Variants in NF2 observed in about 807,000 individuals in gnomAD.
The protein encoded by NF2 is NF2, moesin-ezrin-radixin like (MERLIN) tumor suppressor, also known as merlin.
Under a neutral mutation model 83.7 loss-of-function variants are expected in NF2, and 8 were observed. That is an observed-to-expected ratio of 0.10 (90% confidence interval 0.06 to 0.17). NF2 has a LOEUF of 0.17. NF2 is among the 10% of genes least tolerant of loss of function. The pLI is 1.00. For synonymous variants in NF2, 266 were observed against 269.6 expected (o/e 0.99, Z 0.13); for missense variants, 533 against 744.4 (o/e 0.72, Z 3.31).
intron 10 of NF2, among the ~76,000 whole-genome samples, chr22:29,669,063 A>G (rs1213129000): frequency 6.6e-6 from 1 of 152,250 alleles, no homozygotes; most frequent in Non-Finnish European, 1.5e-5. Flanking sequence ...GTGTTTTTGG[A>G]TAAACTACTA....
chr22:29,631,711 T>A (rs1381123764), intron 1 of NF2, among the ~76,000 whole-genome samples: 1 of 152,184 alleles, frequency 6.6e-6, no homozygotes, highest in African/African-American at 2.4e-5. Context: ...CAATTAACAA[T>A]AACTACCCCT....
intron 4 of NF2, among the ~76,000 whole-genome samples, 157 bp downstream of exon 4, chr22:29,642,442 C>T (rs951589254): frequency 6.6e-6 from 1 of 152,026 alleles, no homozygotes; most frequent in Non-Finnish European, 1.5e-5. Flanking sequence ...ACCACTGTCA[C>T]TGTTCCAGTG....
At chr22:29,644,365 C>T (rs1438933782) in intron 4 of NF2, among the ~76,000 whole-genome samples, 5 of 151,572 alleles carry the variant, frequency 3.3e-5, no homozygotes, top group African/African-American at 7.3e-5. Flanking sequence ...GATGTGATGG[C>T]GGCCGGGAAG....
At chr22:29,608,172 CAAAAAA>C (rs570144418) in intron 1 of NF2, among the ~76,000 whole-genome samples, 1 of 31,712 alleles carries the variant, frequency 3.2e-5, no homozygotes, top group Non-Finnish European at 5.0e-5. Flanking sequence ...GACTCTGTCT[CAAAAAA>C]AAAAAAAAAA....
chr22:29,609,767 A>G (rs1456262011), intron 1 of NF2, among the ~76,000 whole-genome samples: 1 of 152,206 alleles, frequency 6.6e-6, no homozygotes, highest in Non-Finnish European at 1.5e-5. Context: ...GAGTAAAAAT[A>G]TGGCTGCATT....
chr22:29,680,723 A>G (rs2147118808), intron 14 of NF2, among the ~76,000 whole-genome samples: 1 of 152,326 alleles, frequency 6.6e-6, no homozygotes, highest in East Asian at 1.9e-4. Context: ...AAGTCTCAGA[A>G]CAAGTGGGAA....
intron 4 of NF2, among the ~76,000 whole-genome samples, chr22:29,652,608 T>C (rs987286464): frequency 6.6e-6 from 1 of 152,220 alleles, no homozygotes; most frequent in Non-Finnish European, 1.5e-5. Flanking sequence ...CAGCCAAGCA[T>C]AGTTTTAAAA....
chr22:29,610,161 G>A (rs1394376526), intron 1 of NF2, among the ~76,000 whole-genome samples: 1 of 151,846 alleles, frequency 6.6e-6, no homozygotes, highest in Non-Finnish European at 1.5e-5. Flanking sequence ...AACATAGAGA[G>A]ACCCCAACTC....
intron 4 of NF2, among the ~76,000 whole-genome samples, chr22:29,643,566 G>A (rs1167475408): frequency 6.6e-6 from 1 of 152,190 alleles, no homozygotes; most frequent in Non-Finnish European, 1.5e-5. Flanking sequence ...ATTTAACCCT[G>A]AGTGGACATA....
rs2067530861 is a variant in NF2, at chr22:29,695,683, G to T, written c.*881G>T. 2.1e-5 allele frequency: 5 copies of T among 233,778 alleles called. No individual in the cohort carries two copies. The East Asian group carries it at 3.0e-4, about 14-fold the overall frequency. 14.5% of individuals were successfully genotyped at this position (233,778 alleles called of 1,614,324 possible). A position where few individuals can be genotyped will look rare whatever the true frequency, so the allele number is the denominator to read the frequency against. On this transcript the variant is annotated 3_prime_UTR_variant, in exon 16 of 16. Coordinates refer to ENST00000338641, the MANE Select transcript of NF2 (RefSeq NM_000268.4). The surrounding 1 kb of genome is among the most constrained non-coding windows in gnomAD (Gnocchi z 5.4). ...CACCCGTAACCCGGCTATGACCAGG[G>T]ATCTGTAAGCCCTGTGGCTCCACAG...
intron 15 of NF2, among the ~76,000 whole-genome samples, chr22:29,690,275 C>T (rs1409141996): frequency 6.6e-6 from 1 of 152,188 alleles, no homozygotes; most frequent in African/African-American, 2.4e-5. Context: ...CCTCTTCTGT[C>T]TTTTTAAGTA....
chr22:29,636,736 G>T lies in NF2; in HGVS notation c.115-15G>T, dbSNP rs748169607. On this transcript the variant is annotated splice_polypyrimidine_tract_variant and intron_variant, in intron 1 of 15. Transcript: ENST00000338641. The surrounding 1 kb of genome is among the most constrained non-coding windows in gnomAD (Gnocchi z 4.4). ...TTTGCTCACAGTGTCCTTCCCCATTGGTTTGTTATTGCAGATGAAGTGGAA... is the reference window on the plus strand; with the variant it reads ...TTTGCTCACAGTGTCCTTCCCCATTTGTTTGTTATTGCAGATGAAGTGGAA... 7.4e-6 allele frequency: 12 copies of T among 1,614,114 alleles called. No individual in the cohort carries two copies. In the East Asian group the frequency reaches 2.7e-4, roughly 36 times the overall value.
Position 29,695,173 on chromosome 22 carries a change from C to G in NF2, c.*371C>G. The stretch of plus-strand genomic sequence containing the variant: ...GGAAGTCATTGTAGGGAGTGAGACA[C>G]TGAAGCCCTGAGAAGCCAGTGCCAT... On this transcript the variant is annotated 3_prime_UTR_variant, in exon 16 of 16. Transcript: ENST00000338641. This position sits in a 1 kb window ranked among gnomAD's most constrained non-coding sequence, Gnocchi z 5.4. 2.3e-6 allele frequency: 1 copy of G among 429,002 alleles called. No individual in the cohort carries two copies. The highest frequency in any genetic ancestry group is 6.5e-4 in the Middle Eastern group (1 of 1,530). 26.6% of individuals were successfully genotyped at this position (429,002 alleles called of 1,614,324 possible). A position where few individuals can be genotyped will look rare whatever the true frequency, so the allele number is the denominator to read the frequency against.
chr22:29,674,887 G>T lies in NF2; in HGVS notation c.1392G>T (p.Ala464=). Residue 464 remains alanine, a synonymous_variant, in exon 13 of 16, where the codon GCG becomes GCT. Transcript: ENST00000338641. ...AGGACCTGCAGGAAGCACGCGAGGC[G>T]GAGCGAAGAGCCAAGCAGAAGCTCC... ...LKQDLQEARE[A]ERRAKQKLLE... is the part of the protein sequence containing the mutation. The T allele has an allele frequency of 6.4e-7, 1 of 1,574,024 alleles. No homozygotes were observed. The highest frequency in any genetic ancestry group is 2.3e-5 in the East Asian group (1 of 42,902).
At chr22:29,608,306 T>A (rs2064858259) in intron 1 of NF2, among the ~76,000 whole-genome samples, 1 of 144,332 alleles carries the variant, frequency 6.9e-6, no homozygotes, top group Non-Finnish European at 1.5e-5. Flanking sequence ...TGAGACAGAG[T>A]CTCGCTCTGT....
intron 1 of NF2, among the ~76,000 whole-genome samples, chr22:29,623,468 A>C (rs143971346): frequency 5.6e-4 from 85 of 152,344 alleles, no homozygotes; most frequent in Admixed American, 2.9e-3. Context: ...GCTTTGGGCA[A>C]GGTATCACAT....
At chr22:29,649,974 A>G (rs1012457121) in intron 4 of NF2, among the ~76,000 whole-genome samples, 2 of 152,186 alleles carry the variant, frequency 1.3e-5, no homozygotes, top group Non-Finnish European at 2.9e-5. Flanking sequence ...ACACCGTATC[A>G]AAACATCTCA....
At chr22:29,652,223 CAAATG>C (rs2066170423) in intron 4 of NF2, among the ~76,000 whole-genome samples, 1 of 152,192 alleles carries the variant, frequency 6.6e-6, no homozygotes, top group Non-Finnish European at 1.5e-5. Context: ...TCTCATTTGA[CAAATG>C]AAAGACAGAT....
At chr22:29,608,478 G>A (rs540587632) in intron 1 of NF2, among the ~76,000 whole-genome samples, 16 of 151,574 alleles carry the variant, frequency 1.1e-4, no homozygotes, top group Non-Finnish European at 2.1e-4. Context: ...AGACCAGCCT[G>A]GCCAACATGG....
Sources: allele counts gnomAD v4.1 joint callset (sites outside exome capture counted in the v4.1 genomes callset), GRCh38; gene constraint gnomAD v4.1.1; non-coding constraint Gnocchi (gnomAD v3.1); transcripts MANE v1.5; gene names NCBI Gene and HGNC (gene_info 2026-07-23, HGNC 2026-07-21).